GMDS: variants seen among roughly 807,000 people sequenced by gnomAD.
The protein encoded by GMDS is GDP-mannose 4,6-dehydratase.
GMDS carries 20 observed loss-of-function variants against 49.9 expected under a neutral mutation model. The ratio of observed to expected loss-of-function variants is 0.40; its 90% CI spans 0.28 to 0.58. GMDS has a LOEUF of 0.58. Ranked by LOEUF, GMDS falls within the 20% of genes least tolerant of loss-of-function variation. GMDS has a pLI of 0.42. For synonymous variants in GMDS, 177 were observed against 178.6 expected (o/e 0.99, Z 0.07); for missense variants, 362 against 481.4 (o/e 0.75, Z 2.32).
intron 4 of GMDS, among the ~76,000 whole-genome samples, chr6:2,059,277 T>C (rs1160770404): frequency 6.6e-6 from 1 of 150,638 alleles, no homozygotes; most frequent in Non-Finnish European, 1.5e-5. Flanking sequence ...TTATTTGAAC[T>C]ATTGTTTTTT....
intron 7 of GMDS, among the ~76,000 whole-genome samples, chr6:1,905,969 A>G (rs1760755478): frequency 6.6e-6 from 1 of 152,140 alleles, no homozygotes; most frequent in African/African-American, 2.4e-5. Context: ...GCCATCTGAC[A>G]TGCTCAAATG....
chr6:1,735,185 G>C (rs1213248244), intron 8 of GMDS, among the ~76,000 whole-genome samples: 1 of 151,802 alleles, frequency 6.6e-6, no homozygotes, highest in Admixed American at 6.6e-5. Context: ...CGCTGCCACT[G>C]TTCTGGGCCA....
rs1166894439 is a variant in GMDS at position 1,932,537 on chromosome 6, C to CTT, written c.644-2309_644-2308dup. On this transcript the variant is annotated intron_variant, in intron 6 of 10. Coordinates refer to ENST00000380815, the MANE Select transcript of GMDS (RefSeq NM_001500.4). ...CCAAAATTAACTATAATTTCTAATT[C>CTT]TTTTTTTTTTTTTTTTTTGAGATGG... 7.6e-3 allele frequency among the ~76,000 whole-genome samples: 1,024 copies of CTT among 133,976 alleles called. 18 individuals carry two copies. The highest frequency in any genetic ancestry group is 0.027 in the African/African-American group (963 of 35,534). 87.9% of individuals were successfully genotyped at this position (133,976 alleles called of 152,430 possible). A position where few individuals can be genotyped will look rare whatever the true frequency, so the allele number is the denominator to read the frequency against.
chr6:2,231,267 G>T (rs749032610), intron 1 of GMDS, among the ~76,000 whole-genome samples: 3 of 152,032 alleles, frequency 2.0e-5, no homozygotes, highest in Non-Finnish European at 2.9e-5. Context: ...GGTATGAAAA[G>T]TGCCCAAGGG....
intron 1 of GMDS, among the ~76,000 whole-genome samples, chr6:2,160,364 T>C (rs1777334091): frequency 6.6e-6 from 1 of 152,224 alleles, no homozygotes; most frequent in Admixed American, 6.5e-5. Flanking sequence ...TTCACTAAGA[T>C]ATAATGGATA....
intron 1 of GMDS, among the ~76,000 whole-genome samples, chr6:2,223,046 C>A (rs1780661356): frequency 6.6e-6 from 1 of 152,056 alleles, no homozygotes; most frequent in African/African-American, 2.4e-5. Flanking sequence ...TGCCAGCCAG[C>A]CCTGCAAATC....
intron 4 of GMDS, among the ~76,000 whole-genome samples, chr6:2,059,853 A>C (rs1300910700): frequency 6.6e-6 from 1 of 151,880 alleles, no homozygotes; most frequent in African/African-American, 2.4e-5. Context: ...ACTGGCCCCC[A>C]AAAATTTGCA....
At chr6:2,025,832 C>G (rs1362629310) in intron 4 of GMDS, among the ~76,000 whole-genome samples, 1 of 152,074 alleles carries the variant, frequency 6.6e-6, no homozygotes, top group African/African-American at 2.4e-5. Flanking sequence ...TCCTAAAAAA[C>G]CGACATAGGA....
chr6:1,858,162 C>T (rs1198443142), intron 7 of GMDS, among the ~76,000 whole-genome samples: 1 of 152,024 alleles, frequency 6.6e-6, no homozygotes, highest in Non-Finnish European at 1.5e-5. Flanking sequence ...TGGAATAAAA[C>T]ATATAAAACA....
chr6:1,946,102 G>A (rs1408955848), intron 6 of GMDS, among the ~76,000 whole-genome samples: 6 of 151,912 alleles, frequency 3.9e-5, no homozygotes, highest in Non-Finnish European at 7.4e-5. Flanking sequence ...ATTAAATTTA[G>A]AATTTAGCAA....
At chr6:1,935,047 T>G (rs2127251232) in intron 6 of GMDS, among the ~76,000 whole-genome samples, 1 of 152,362 alleles carries the variant, frequency 6.6e-6, no homozygotes, top group Non-Finnish European at 1.5e-5. Context: ...TTATAGCACA[T>G]GTGGATAATG....
chr6:2,025,325 C>G (rs1768517984), intron 4 of GMDS, among the ~76,000 whole-genome samples: 1 of 148,026 alleles, frequency 6.8e-6, no homozygotes, highest in Admixed American at 6.8e-5. Context: ...ATTCAAAAAT[C>G]AAAACTATTA....
At chr6:1,764,632 C>T (rs564890691) in intron 7 of GMDS, among the ~76,000 whole-genome samples, 1 of 152,180 alleles carries the variant, frequency 6.6e-6, no homozygotes, top group East Asian at 1.9e-4. Flanking sequence ...CCTAAGAGAT[C>T]ATCACCGCTC....
rs4546532 is a variant in GMDS at position 1,752,146 on chromosome 6, T to G, written c.772-9560A>C. On this transcript the variant is annotated intron_variant, in intron 7 of 10. Coordinates refer to ENST00000380815, the MANE Select transcript of GMDS (RefSeq NM_001500.4). ...AAAGCTAAGAACCTTGAGAAAATGT[T>G]AGATGAATTGCTAACTAGAATAACC... Among the ~76,000 whole-genome samples, 89 of 152,058 alleles carry G rather than the reference T, an allele frequency of 5.9e-4. 1 individual carries two copies. Among genetic ancestry groups the G allele is most frequent in the African/African-American group, 2.0e-3 (83 of 41,468 alleles).
chr6:1,918,091 C>T lies in GMDS; in HGVS notation c.771+12012G>A, dbSNP rs1026257440. ...TAAAGTCCTATTATTACAACATGAC[C>T]TGCTTCTAATTTGCATGTGTTGGTG... On this transcript the variant is annotated intron_variant, in intron 7 of 10. Coordinates refer to ENST00000380815, the MANE Select transcript of GMDS (RefSeq NM_001500.4). 2.6e-5 allele frequency among the ~76,000 whole-genome samples: 4 copies of T among 152,182 alleles called. No individual in the cohort carries two copies. The East Asian group carries it at 7.7e-4, about 29-fold the overall frequency.
chr6:1,685,167 T>C (rs1581456484), intron 9 of GMDS, among the ~76,000 whole-genome samples: 1 of 152,016 alleles, frequency 6.6e-6, no homozygotes, highest in Non-Finnish European at 1.5e-5. Context: ...GAGGCCGAGG[T>C]GGGCAGATCA....
chr6:1,882,725 A>G (rs1333715946), intron 7 of GMDS, among the ~76,000 whole-genome samples: 2 of 152,244 alleles, frequency 1.3e-5, no homozygotes, highest in African/African-American at 2.4e-5. Context: ...TAATGTGGCC[A>G]CAGACAGGAT....
In GMDS at chr6:1,624,127, G is replaced by T. The variant is rs1236820630; in HGVS notation, c.*42C>A. On this transcript the variant is annotated 3_prime_UTR_variant, in exon 11 of 11. Transcript: ENST00000380815. Reference sequence around the variant, plus strand: ...AGCGCGTCTGCACCGGAGACTCTGCGGGGATTGTAGCCGGAGGGCGGGCCG... The same window carrying T: ...AGCGCGTCTGCACCGGAGACTCTGCTGGGATTGTAGCCGGAGGGCGGGCCG... 6.4e-7 allele frequency: 1 copy of T among 1,572,278 alleles called. No homozygotes were observed. Among genetic ancestry groups the T allele is most frequent in the Non-Finnish European group, 8.7e-7 (1 of 1,152,540 alleles).
chr6:1,817,505 A>G (rs1023767013), intron 7 of GMDS, among the ~76,000 whole-genome samples: 4 of 152,240 alleles, frequency 2.6e-5, no homozygotes, highest in Non-Finnish European at 5.9e-5. Context: ...AGTGATATAA[A>G]TATCTAGGAA....
Sources: allele counts gnomAD v4.1 joint callset (sites outside exome capture counted in the v4.1 genomes callset), GRCh38; gene constraint gnomAD v4.1.1; transcripts MANE v1.5; gene names NCBI Gene and HGNC (gene_info 2026-07-23, HGNC 2026-07-21).